ARL3: variants seen among roughly 807,000 people sequenced by gnomAD.
The protein encoded by ARL3 is ADP-ribosylation factor-like protein 3.
Under a neutral mutation model 26.0 loss-of-function variants are expected in ARL3, and 9 were observed. The observed-to-expected ratio is 0.35, with a 90% confidence interval of 0.21 to 0.60. ARL3 has a LOEUF of 0.60. Ranked by LOEUF, ARL3 falls within the 20% of genes least tolerant of loss-of-function variation. ARL3 has a pLI of 0.78. For missense variants in ARL3, 158 were observed against 215.7 expected (o/e 0.73, Z 1.67); for synonymous variants, 71 against 78.4 (o/e 0.91, Z 0.50).
intron 5 of ARL3, among the ~76,000 whole-genome samples, chr10:102,680,236 A>C (rs1481518793): frequency 6.6e-6 from 1 of 152,116 alleles, no homozygotes; most frequent in Non-Finnish European, 1.5e-5. Context: ...GAGCCACTGC[A>C]CCTGGCCGAA....
chr10:102,708,908 A>ATATACATATTTT, intron 1 of ARL3, among the ~76,000 whole-genome samples: 1 of 95,350 alleles, frequency 1.0e-5, no homozygotes, highest in Non-Finnish European at 2.0e-5. Flanking sequence ...ATATATATAT[A>ATATACATATTTT]TTTTTTTTTT....
intron 3 of ARL3, among the ~76,000 whole-genome samples, chr10:102,696,030 C>A (rs2064245369): frequency 6.6e-6 from 1 of 151,802 alleles, no homozygotes; most frequent in African/African-American, 2.4e-5. Flanking sequence ...GTGGTGCAAT[C>A]TTGGCTCACT....
intron 5 of ARL3, among the ~76,000 whole-genome samples, chr10:102,682,331 C>G (rs913248028): frequency 6.6e-6 from 1 of 152,154 alleles, no homozygotes; most frequent in Admixed American, 6.5e-5. Context: ...CCGTGAAAAC[C>G]TGCTTTAATC....
chr10:102,690,230 AAACATTACTAG>A (rs1458103962), intron 3 of ARL3, among the ~76,000 whole-genome samples: 2 of 152,156 alleles, frequency 1.3e-5, no homozygotes, highest in Non-Finnish European at 2.9e-5. Flanking sequence ...TGTTGTCACT[AAACATTACTAG>A]GTCTACTCTA....
At chr10:102,699,525 C>G in intron 2 of ARL3, 36 bp from the exon 3 acceptor site, 1 of 1,255,382 alleles carries the variant, frequency 8.0e-7, no homozygotes, top group South Asian at 1.3e-5. Context: ...TTTTATTAAA[C>G]TTTGGGATCA....
At chr10:102,706,187 C>T (rs2064310462) in intron 1 of ARL3, among the ~76,000 whole-genome samples, 3 of 152,212 alleles carry the variant, frequency 2.0e-5, no homozygotes, top group South Asian at 4.2e-4. Flanking sequence ...CACGGTGGCT[C>T]ACATCTGTAA....
chr10:102,699,061 G>A (rs1368445454), intron 3 of ARL3, among the ~76,000 whole-genome samples: 2 of 152,112 alleles, frequency 1.3e-5, no homozygotes, highest in African/African-American at 4.8e-5. Flanking sequence ...TGTCTTCCTA[G>A]GGGTGACAGT....
In ARL3 at chr10:102,676,128, C is replaced by A; in HGVS notation, c.*766G>T. On this transcript the variant is annotated 3_prime_UTR_variant, in exon 6 of 6. Transcript: ENST00000260746. ...GTAATTTTTCTGGAATTAAACCTCC[C>A]ACCTCTCCTTACATTCCAGATGTCA... 6.6e-6 allele frequency: 1 copy of A among 152,030 alleles called. No individual in the cohort carries two copies. Among genetic ancestry groups the A allele is most frequent in the South Asian group, 2.0e-4 (1 of 5,056 alleles). The allele number at this position is 152,030 out of a possible 1,614,324, so 9.4% of individuals were successfully genotyped here.
chr10:102,678,125 T>C (rs2064139046), intron 5 of ARL3, among the ~76,000 whole-genome samples: 1 of 152,096 alleles, frequency 6.6e-6, no homozygotes, highest in South Asian at 2.1e-4. Flanking sequence ...GTCAGTGCAC[T>C]TGGGCAGCAG....
At chr10:102,680,021 G>A (rs1028968785) in intron 5 of ARL3, among the ~76,000 whole-genome samples, 2 of 151,990 alleles carry the variant, frequency 1.3e-5, no homozygotes, top group Admixed American at 6.6e-5. Context: ...GCATGATCTC[G>A]ACTCGCTGCA....
intron 2 of ARL3, among the ~76,000 whole-genome samples, chr10:102,702,170 C>T (rs549284737): frequency 4.0e-5 from 6 of 151,882 alleles, no homozygotes; most frequent in South Asian, 2.1e-4. Context: ...CCAGCCTGGC[C>T]GACAGAGTGA....
At chr10:102,677,165 G>A (rs980896617) in intron 5 of ARL3, among the ~76,000 whole-genome samples, 1 of 152,170 alleles carries the variant, frequency 6.6e-6, no homozygotes, top group Non-Finnish European at 1.5e-5. Context: ...ATGGGAGGGG[G>A]ATGCCCAGCG....
intron 1 of ARL3, among the ~76,000 whole-genome samples, chr10:102,706,550 G>A (rs1218418011): frequency 6.6e-6 from 1 of 152,186 alleles, no homozygotes; most frequent in Non-Finnish European, 1.5e-5. Flanking sequence ...TAGGTGCATG[G>A]TATAGATAAT....
At chr10:102,698,520 GC>G (rs112551819) in intron 3 of ARL3, among the ~76,000 whole-genome samples, 1 of 152,146 alleles carries the variant, frequency 6.6e-6, no homozygotes, top group Admixed American at 6.5e-5. Context: ...AAGTTCATGA[GC>G]CCCCCTAGTT....
At chr10:102,685,077 G>A (rs779959469) in intron 5 of ARL3, among the ~76,000 whole-genome samples, 1 of 151,020 alleles carries the variant, frequency 6.6e-6, no homozygotes, top group Non-Finnish European at 1.5e-5. Context: ...GCGAAATCCC[G>A]TTTCTACTAA....
At chr10:102,700,269 C>T (rs796357482) in intron 2 of ARL3, among the ~76,000 whole-genome samples, 40 of 151,854 alleles carry the variant, frequency 2.6e-4, no homozygotes, top group African/African-American at 8.7e-4. Flanking sequence ...ATTAGCCAGG[C>T]GTGTTGGCGC....
chr10:102,708,566 AT>A (rs1157451486), intron 1 of ARL3, among the ~76,000 whole-genome samples: 2 of 151,844 alleles, frequency 1.3e-5, no homozygotes, highest in Non-Finnish European at 1.5e-5. Flanking sequence ...TTTAAAAAAA[AT>A]TTTTTTTGGC....
At chr10:102,701,871 T>A (rs1339913606) in intron 2 of ARL3, among the ~76,000 whole-genome samples, 2 of 152,118 alleles carry the variant, frequency 1.3e-5, no homozygotes, top group Non-Finnish European at 2.9e-5. Context: ...CATAGAAAGA[T>A]GTTCATGATC....
chr10:102,713,858 G>A (rs1342341938), intron 1 of ARL3, among the ~76,000 whole-genome samples: 1 of 152,232 alleles, frequency 6.6e-6, no homozygotes, highest in Non-Finnish European at 1.5e-5. Flanking sequence ...CTCCGCTTCT[G>A]GCCGGGCTCC....
Sources: allele counts gnomAD v4.1 joint callset (sites outside exome capture counted in the v4.1 genomes callset), GRCh38; gene constraint gnomAD v4.1.1; transcripts MANE v1.5; gene names NCBI Gene and HGNC (gene_info 2026-07-23, HGNC 2026-07-21).